The following PCNX3 variants were observed in gnomAD, a reference collection of about 807,000 sequenced individuals.
PCNX3 encodes pecanex 3.
Under a neutral mutation model 207.2 loss-of-function variants are expected in PCNX3, and 58 were observed. That is an observed-to-expected ratio of 0.28 (90% CI 0.23 to 0.35). PCNX3 has a LOEUF of 0.35. PCNX3 is among the 10% of genes least tolerant of loss of function. The pLI, the probability that PCNX3 is intolerant of heterozygous loss-of-function variation, is 1.00. For synonymous variants in PCNX3, 1,337 were observed against 1,183.5 expected (o/e 1.13, Z -2.66); for missense variants, 2,410 against 2,774.4 (o/e 0.87, Z 2.95).
At chr11:65,616,795 A>C (rs1444368082) in intron 1 of PCNX3, 29 bp from the exon 2 acceptor site, 1 of 1,595,522 alleles carries the variant, frequency 6.3e-7, no homozygotes, top group Non-Finnish European at 8.6e-7. Context: ...GGCTTTGTGA[A>C]AAGGGACCTG....
At chr11:65,631,198 G>A (rs959155673) in intron 27 of PCNX3, among the ~76,000 whole-genome samples, 1 of 152,210 alleles carries the variant, frequency 6.6e-6, no homozygotes, top group Admixed American at 6.5e-5. Flanking sequence ...CCAGGCCTGA[G>A]GATCTTGAGA....
chr11:65,616,421 A>G lies in PCNX3; in HGVS notation c.110A>G (p.Tyr37Cys). Residue 37 changes from tyrosine (Y) to cysteine (C), a missense_variant, in exon 1 of 35, where the codon TAT becomes TGT. By Grantham distance (194) the Tyr-to-Cys change is radical. Around this residue, in one of 8 missense-constraint regions of PCNX3, gnomAD observed 1,104 missense variants for 970.3 expected, o/e 1.14. Transcript: ENST00000355703. ...QSTFSNCFHLYVWIFLLIFPF... is the reference protein window; with the variant it reads ...QSTFSNCFHLCVWIFLLIFPF... ...ACCTTCTCCAACTGCTTCCACCTCT[A>G]TGTCTGGATCTTCCTGCTCATCTTT... 1 of 1,609,976 alleles carries G rather than the reference A, an allele frequency of 6.2e-7. No individual in the cohort carries two copies. Among genetic ancestry groups the G allele is most frequent in the Non-Finnish European group, 8.5e-7 (1 of 1,179,402 alleles).
chr11:65,627,248 G>C lies in PCNX3; in HGVS notation c.3525-157G>C, dbSNP rs1590891608. ...TGTTCCCACCACTCCCTTTGGAAGAGCAGAGACTAAGAGTCACGGGCCCAA... is the reference window on the plus strand; with the variant it reads ...TGTTCCCACCACTCCCTTTGGAAGACCAGAGACTAAGAGTCACGGGCCCAA... On this transcript the variant is annotated intron_variant, in intron 21 of 34. Coordinates refer to ENST00000355703, the MANE Select transcript of PCNX3 (RefSeq NM_032223.4). Among the ~76,000 whole-genome samples, 4 of 152,196 alleles carry C rather than the reference G, an allele frequency of 2.6e-5. No homozygotes were observed. The South Asian group carries it at 6.2e-4, about 24-fold the overall frequency.
Position 65,616,026 on chromosome 11 carries a change from G to A in PCNX3, c.-286G>A. On this transcript the variant is annotated 5_prime_UTR_variant, in exon 1 of 35. Transcript: ENST00000355703. ...CCCGGCCCGTGCCCCGCGCCTGCCTGCCGGCTCGGCCCCTCGGAGCAATTC... is the reference window on the plus strand; with the variant it reads ...CCCGGCCCGTGCCCCGCGCCTGCCTACCGGCTCGGCCCCTCGGAGCAATTC... The A allele has an allele frequency of 4.1e-6, 1 of 246,750 alleles. No individual in the cohort carries two copies. 15.3% of individuals were successfully genotyped at this position (246,750 alleles called of 1,614,324 possible). A position where few individuals can be genotyped will look rare whatever the true frequency, so the allele number is the denominator to read the frequency against.
At position 65,618,635 on chromosome 11, in the gene PCNX3, A is replaced by G. The variant is rs771469068; in HGVS notation, c.1273A>G (p.Ser425Gly). The G allele has an allele frequency of 6.2e-7, 1 of 1,612,978 alleles. No individual in the cohort carries two copies. The highest frequency in any genetic ancestry group is 2.2e-5 in the East Asian group (1 of 44,858). The change falls in exon 6 of 35, where the codon AGT (serine) becomes GGT (glycine). Residue 425 changes from serine (S) to glycine (G), a missense_variant. Physicochemically the swap from Ser to Gly is moderately conservative, Grantham distance 56 (BLOSUM62 0). Around this residue, in one of 8 missense-constraint regions of PCNX3, gnomAD observed 1,104 missense variants for 970.3 expected, o/e 1.14. Coordinates refer to ENST00000355703, the MANE Select transcript of PCNX3 (RefSeq NM_032223.4). Reference protein sequence around the residue: ...GGGFFEDEDTSEGSELSPASS... With the variant: ...GGGFFEDEDTGEGSELSPASS... Reference sequence around the variant, plus strand: ...GGGCTTCTTTGAGGATGAAGACACTAGTGAGGGCAGTGAACTGAGCCCGGC... The same window carrying G: ...GGGCTTCTTTGAGGATGAAGACACTGGTGAGGGCAGTGAACTGAGCCCGGC...
At chr11:65,626,851 A>G (rs10896024) in intron 20 of PCNX3, 53 bp from the exon 21 acceptor site, 723,513 of 1,555,358 alleles carry the variant, frequency 0.47, 172,913 homozygotes, top group South Asian at 0.59. Context: ...GGACTTCCTC[A>G]GGGAAGGCAG....
chr11:65,623,988 G>T, intron 13 of PCNX3, 27 bp downstream of exon 13: 1 of 1,609,492 alleles, frequency 6.2e-7, no homozygotes. Flanking sequence ...CAGCGCCTCT[G>T]GCCAGGAGGC....
Position 65,626,965 on chromosome 11 carries a change from C to T in PCNX3, c.3441C>T (p.Tyr1147=), listed in dbSNP as rs745394309. 1.2e-4 allele frequency: 182 copies of T among 1,568,256 alleles called. No individual in the cohort carries two copies. The highest frequency in any genetic ancestry group is 1.5e-4 in the Non-Finnish European group (178 of 1,156,664). The change falls in exon 21 of 35, where the codon TAC becomes TAT. Residue 1147 remains tyrosine, a synonymous_variant. Transcript: ENST00000355703. The part of the protein sequence containing the change: ...LYAGLQCVEK[Y]LIYPAVVLNA... Reference sequence around the variant, plus strand: ...CTGGCCTGCAGTGCGTAGAGAAGTACCTCATCTACCCCGCCGTGGTGCTCA... The same window carrying T: ...CTGGCCTGCAGTGCGTAGAGAAGTATCTCATCTACCCCGCCGTGGTGCTCA...
rs201838448 is a variant in PCNX3 at position 65,618,187 on chromosome 11, G to A, written c.825G>A (p.Gly275=). Reference sequence around the variant, plus strand: ...GCAGTCGACGGGAACAACGCAGGGGGGCAGGTGGCTATCAGCCCCTTGACC... The same window carrying A: ...GCAGTCGACGGGAACAACGCAGGGGAGCAGGTGGCTATCAGCCCCTTGACC... ...RTSSRREQRR[G]AGGYQPLDRR... Residue 275 remains glycine (G), a synonymous_variant, in exon 6 of 35, where the codon GGG becomes GGA. Transcript: ENST00000355703. 5.4e-5 allele frequency: 87 copies of A among 1,602,770 alleles called. 1 individual carries two copies. The South Asian group carries it at 7.4e-4, about 14-fold the overall frequency.
At position 65,620,961 on chromosome 11, in the gene PCNX3, C is replaced by T; in HGVS notation, c.2230C>T (p.Pro744Ser). Residue 744 changes from proline to serine, a missense_variant, in exon 10 of 35, where the codon CCG (proline) becomes TCG (serine). Transcript: ENST00000355703. ...MQVRRVPLEI[P>S]EEQTLMEEAP... ...GGTGCGCCGGGTGCCCCTGGAGATC[C>T]CGGAGGTGAGGAGCAGCCGGGGAAG... The T allele has an allele frequency of 1.9e-6, 3 of 1,541,018 alleles. No homozygotes were observed. In the South Asian group the frequency reaches 3.6e-5, roughly 18 times the overall value.
In PCNX3 at chr11:65,618,850, C is replaced by A. The variant is rs751592108; in HGVS notation, c.1488C>A (p.Ser496Arg). Residue 496 changes from serine (S) to arginine (R), a missense_variant, in exon 6 of 35, where the codon AGC becomes AGA. Physicochemically the swap from Ser to Arg is moderately radical, Grantham distance 110. Transcript: ENST00000355703. Reference protein sequence around the residue: ...YGTQRTPSTASAKTHARVLSM... With the variant: ...YGTQRTPSTARAKTHARVLSM... ...CCCAGCGGACGCCTAGTACCGCCAG[C>A]GCTAAAACACATGCCCGTGTGCTGA... 1 of 1,610,908 alleles carries A rather than the reference C, an allele frequency of 6.2e-7. No individual in the cohort carries two copies. Among genetic ancestry groups the A allele is most frequent in the Non-Finnish European group, 8.5e-7 (1 of 1,179,150 alleles).
chr11:65,631,539 G>T (rs1211583355), intron 27 of PCNX3, among the ~76,000 whole-genome samples: 1 of 152,122 alleles, frequency 6.6e-6, no homozygotes, highest in Non-Finnish European at 1.5e-5. Context: ...GGCACCTGTA[G>T]TCCCAGCTAC....
chr11:65,626,438 G>C (rs1332611485), intron 20 of PCNX3: 1 of 407,620 alleles, frequency 2.5e-6, no homozygotes, highest in Non-Finnish European at 4.7e-6. Context: ...AAAAAATCCT[G>C]GAGCCTCTAT....
rs753993158 is a variant in PCNX3 at position 65,618,503 on chromosome 11, G to A, written c.1141G>A (p.Val381Met). The A allele has an allele frequency of 9.3e-6, 15 of 1,610,372 alleles. No homozygotes were observed. The highest frequency in any genetic ancestry group is 2.2e-5 in the South Asian group (2 of 90,788). Residue 381 changes from valine (V) to methionine (M), a missense_variant, in exon 6 of 35, where the codon GTG becomes ATG. This residue lies in a region of PCNX3 where 1,104 missense variants were observed against 970.3 expected (regional missense o/e 1.14). Transcript: ENST00000355703. The stretch of plus-strand genomic sequence containing the variant: ...GGGCCTGGCTGAGCCGCTCCTGGTC[G>A]TGCGGCCCAAGGACTTGGCCCTGCT... ...PPGLAEPLLV[V>M]RPKDLALLRP...
intron 15 of PCNX3, 86 bp from the exon 16 acceptor site, chr11:65,624,839 C>A: frequency 7.3e-7 from 1 of 1,373,962 alleles, no homozygotes; most frequent in Non-Finnish European, 1.0e-6. Context: ...GGAGGCCAGC[C>A]TCTGGGAGTT....
chr11:65,619,337 G>T, intron 6 of PCNX3, 200 bp from the exon 7 acceptor site: 1 of 694,612 alleles, frequency 1.4e-6, no homozygotes, highest in Non-Finnish European at 1.8e-6. Flanking sequence ...CACCAGTGGG[G>T]TGGGGCAGGG....
At position 65,616,417 on chromosome 11, in the gene PCNX3, C is replaced by G; in HGVS notation, c.106C>G (p.Leu36Val). 1.2e-6 allele frequency: 2 copies of G among 1,610,514 alleles called. No individual in the cohort carries two copies. The highest frequency in any genetic ancestry group is 1.7e-6 in the Non-Finnish European group (2 of 1,179,518). ...GAGCACCTTCTCCAACTGCTTCCAC[C>G]TCTATGTCTGGATCTTCCTGCTCAT... ...HQSTFSNCFH[L>V]YVWIFLLIFP... The change falls in exon 1 of 35, where the codon CTC becomes GTC. Residue 36 changes from leucine (L) to valine (V), a missense_variant. Around this residue, in one of 8 missense-constraint regions of PCNX3, gnomAD observed 1,104 missense variants for 970.3 expected, o/e 1.14. Coordinates refer to ENST00000355703, the MANE Select transcript of PCNX3 (RefSeq NM_032223.4).
chr11:65,626,804 G>A (rs1181949022), intron 20 of PCNX3, 100 bp from the exon 21 acceptor site: 30 of 1,513,572 alleles, frequency 2.0e-5, no homozygotes, highest in East Asian at 2.5e-5. Flanking sequence ...CAGGGTCTCC[G>A]AGGAGTCAGG....
rs772880534 is a variant in PCNX3 at position 65,617,689 on chromosome 11, G to C, written c.560G>C (p.Ser187Thr). The change falls in exon 5 of 35, where the codon AGC (serine) becomes ACC (threonine). Residue 187 changes from serine to threonine, a missense_variant. Physicochemically the swap from Ser to Thr is moderately conservative, Grantham distance 58. Transcript: ENST00000355703. ...GCCGACCGAGAGATGCTGAAGCTCA[G>C]CTCGCAGGAGAAACTGAGTGCGTGG... ...TSADREMLKL[S>T]SQEKLIGDLP... The C allele has an allele frequency of 3.8e-6, 6 of 1,570,254 alleles. No individual in the cohort carries two copies. Among genetic ancestry groups the C allele is most frequent in the Non-Finnish European group, 5.2e-6 (6 of 1,157,698 alleles).
Sources: gnomAD v4.1 joint callset for allele counts (sites outside exome capture counted in the v4.1 genomes callset) on GRCh38, gnomAD v4.1.1 for gene constraint, gnomAD v4.1.1 regional missense constraint, MANE v1.5 for transcripts, NCBI Gene and HGNC (gene_info 2026-07-23, HGNC 2026-07-21) for gene names.